Variants in COL26A1 observed in about 807,000 individuals in gnomAD.
COL26A1 encodes the protein collagen alpha-1(XXVI) chain.
COL26A1 carries 41 observed loss-of-function variants against 59.3 expected under a neutral mutation model. That is an observed-to-expected ratio of 0.69 (90% CI 0.54 to 0.90). The LOEUF (loss-of-function observed/expected upper bound fraction) is 0.90. Among genes scored for constraint, COL26A1 ranks in the 40% least tolerant of loss-of-function variants. The pLI, the probability that COL26A1 is intolerant of heterozygous loss-of-function variation, is 0.00. For missense variants in COL26A1, 612 were observed against 602.3 expected (o/e 1.02, Z -0.17); for synonymous variants, 266 against 256.0 (o/e 1.04, Z -0.37).
intron 1 of COL26A1, among the ~76,000 whole-genome samples, chr7:101,377,387 G>C (rs1791343448): frequency 6.6e-6 from 1 of 152,122 alleles, no homozygotes; most frequent in African/African-American, 2.4e-5. Context: ...TGGGGGGAAA[G>C]GGCTTTTTCT....
chr7:101,397,467 C>G (rs1298656636), intron 1 of COL26A1, among the ~76,000 whole-genome samples: 3 of 117,944 alleles, frequency 2.5e-5, no homozygotes, highest in South Asian at 5.2e-4. Flanking sequence ...TCTTTGCTCT[C>G]CTTCCTTCCT....
intron 1 of COL26A1, among the ~76,000 whole-genome samples, chr7:101,370,045 A>G (rs933901103): frequency 4.6e-5 from 7 of 151,768 alleles, no homozygotes; most frequent in African/African-American, 1.7e-4. Flanking sequence ...TATTTTTTGT[A>G]GAGATGGGTT....
intron 3 of COL26A1, among the ~76,000 whole-genome samples, chr7:101,491,619 C>T (rs1218609582): frequency 6.6e-6 from 1 of 152,040 alleles, no homozygotes; most frequent in East Asian, 1.9e-4. Flanking sequence ...TTCATGCCTC[C>T]CCTTTTTAGA....
At chr7:101,397,209 A>AT (rs1363057136) in intron 1 of COL26A1, among the ~76,000 whole-genome samples, 2 of 151,930 alleles carry the variant, frequency 1.3e-5, no homozygotes, top group African/African-American at 2.4e-5. Flanking sequence ...TGTTTCTGTG[A>AT]TTCTTTGTGT....
chr7:101,424,651 T>A (rs1792601711), intron 2 of COL26A1, among the ~76,000 whole-genome samples: 1 of 152,158 alleles, frequency 6.6e-6, no homozygotes, highest in East Asian at 1.9e-4. Context: ...GTTTTCTTTC[T>A]CACTAGTAAC....
chr7:101,407,863 C>G (rs1792164114), intron 1 of COL26A1, among the ~76,000 whole-genome samples: 2 of 152,088 alleles, frequency 1.3e-5, no homozygotes. Flanking sequence ...TAATCATATG[C>G]AAATTAAGGG....
intron 1 of COL26A1, among the ~76,000 whole-genome samples, chr7:101,364,187 T>TAA (rs930426340): frequency 6.6e-6 from 1 of 152,054 alleles, no homozygotes; most frequent in Non-Finnish European, 1.5e-5. Flanking sequence ...CAGAAAACCA[T>TAA]AAGCATGCAA....
intron 2 of COL26A1, among the ~76,000 whole-genome samples, chr7:101,443,723 C>T (rs1175342758): frequency 6.6e-6 from 1 of 152,098 alleles, no homozygotes; most frequent in African/African-American, 2.4e-5. Flanking sequence ...GACAAAAAAG[C>T]ATCCAACTTA....
chr7:101,371,125 C>T lies in COL26A1; in HGVS notation c.158+7935C>T, dbSNP rs941900991. On this transcript the variant is annotated intron_variant, in intron 1 of 12. Transcript: ENST00000313669. ...CTTGGAAATGTGAGCCGCTCCAGGT[C>T]AGGCATTTAATCACCTTGCATTCAC... Among the ~76,000 whole-genome samples the T allele has an allele frequency of 8.5e-5, 13 of 152,170 alleles. 1 individual carries two copies. The highest frequency in any genetic ancestry group is 7.2e-4 in the Admixed American group (11 of 15,278).
At chr7:101,529,979 AC>A (rs1390147476) in intron 3 of COL26A1, among the ~76,000 whole-genome samples, 2 of 152,030 alleles carry the variant, frequency 1.3e-5, no homozygotes, top group Non-Finnish European at 2.9e-5. Context: ...CCCTCTCCCC[AC>A]CAGTATTAGA....
chr7:101,465,322 G>C (rs1278463133), intron 3 of COL26A1, among the ~76,000 whole-genome samples: 1 of 151,994 alleles, frequency 6.6e-6, no homozygotes, highest in Non-Finnish European at 1.5e-5. Context: ...TTGCAGATGT[G>C]AGCCACCACG....
chr7:101,386,213 G>A (rs929911101), intron 1 of COL26A1, among the ~76,000 whole-genome samples: 2 of 151,374 alleles, frequency 1.3e-5, no homozygotes, highest in African/African-American at 4.9e-5. Context: ...ATCTCCTGCC[G>A]AGTGTCTGCC....
At chr7:101,389,897 G>A (rs1448395076) in intron 1 of COL26A1, among the ~76,000 whole-genome samples, 1 of 152,076 alleles carries the variant, frequency 6.6e-6, no homozygotes, top group Non-Finnish European at 1.5e-5. Flanking sequence ...GTGTTGCCCA[G>A]GTGGTCTTGA....
chr7:101,417,193 T>C lies in COL26A1; in HGVS notation c.159-2784T>C, dbSNP rs187915733. Among the ~76,000 whole-genome samples the C allele has an allele frequency of 9.8e-5, 15 of 152,322 alleles. No homozygotes were observed. In the East Asian group the frequency reaches 2.9e-3, roughly 29 times the overall value. Reference sequence around the variant, plus strand: ...GTGCCTTTCTTCCATGATACTGGCCTTTTTTCCTCAAATAATTTGAAAGTC... The same window carrying C: ...GTGCCTTTCTTCCATGATACTGGCCCTTTTTCCTCAAATAATTTGAAAGTC... On this transcript the variant is annotated intron_variant, in intron 1 of 12. Transcript: ENST00000313669.
At chr7:101,364,861 C>T (rs1196313750) in intron 1 of COL26A1, among the ~76,000 whole-genome samples, 2 of 152,164 alleles carry the variant, frequency 1.3e-5, no homozygotes, top group Non-Finnish European at 2.9e-5. Context: ...TGAGCCACCA[C>T]GCCAGGCCCA....
chr7:101,506,816 C>T (rs953295249), intron 3 of COL26A1, among the ~76,000 whole-genome samples: 2 of 152,198 alleles, frequency 1.3e-5, no homozygotes, highest in African/African-American at 4.8e-5. Flanking sequence ...AGCTGAGATT[C>T]ATACCTTTCT....
rs541480985 is a variant in COL26A1, at chr7:101,496,518, G to A, written c.386-36564G>A. On this transcript the variant is annotated intron_variant, in intron 3 of 12. Coordinates refer to ENST00000313669, the MANE Select transcript of COL26A1 (RefSeq NM_001278563.3). ...AGGGCGAGGTCCTGGGACTGAGAGG[G>A]GAAGAAGCTGTGTTCTACGCTCATC... 1.1e-4 allele frequency among the ~76,000 whole-genome samples: 17 copies of A among 152,242 alleles called. 1 individual carries two copies. In the South Asian group the frequency reaches 3.5e-3, roughly 32 times the overall value.
intron 3 of COL26A1, among the ~76,000 whole-genome samples, chr7:101,452,899 G>A (rs1448605434): frequency 6.6e-6 from 1 of 151,978 alleles, no homozygotes; most frequent in African/African-American, 2.4e-5. Flanking sequence ...CAAGTACCTG[G>A]GGTTACAGGC....
chr7:101,400,946 G>A (rs1791982128), intron 1 of COL26A1, among the ~76,000 whole-genome samples: 1 of 152,170 alleles, frequency 6.6e-6, no homozygotes, highest in Non-Finnish European at 1.5e-5. Flanking sequence ...GTGGGGAGAT[G>A]CGGAGACGGG....
Sources: gnomAD v4.1 joint callset for allele counts (sites outside exome capture counted in the v4.1 genomes callset) on GRCh38, gnomAD v4.1.1 for gene constraint, MANE v1.5 for transcripts, NCBI Gene and HGNC (gene_info 2026-07-23, HGNC 2026-07-21) for gene names.